PRKCE: variants seen among roughly 807,000 people sequenced by gnomAD.
PRKCE encodes protein kinase C epsilon type.
PRKCE carries 16 observed loss-of-function variants against 85.4 expected under a neutral mutation model. The observed-to-expected ratio is 0.19, with a 90% CI of 0.13 to 0.28. PRKCE has a LOEUF of 0.28. Among genes scored for constraint, PRKCE ranks in the 10% least tolerant of loss-of-function variants. The pLI is 1.00. For synonymous variants in PRKCE, 388 were observed against 371.5 expected (o/e 1.04, Z -0.51); for missense variants, 573 against 975.2 (o/e 0.59, Z 5.49).
chr2:46,120,835 A>C (rs562845646), intron 11 of PRKCE, among the ~76,000 whole-genome samples: 13 of 152,312 alleles, frequency 8.5e-5, no homozygotes, highest in African/African-American at 2.9e-4. Context: ...TTAAGTCAAG[A>C]AGTATATTTA....
At chr2:45,884,986 TATATATATATATATA>T (rs772558046) in intron 2 of PRKCE, among the ~76,000 whole-genome samples, 13,157 of 87,958 alleles carry the variant, frequency 0.15, 2,010 homozygotes, top group East Asian at 0.64. Flanking sequence ...TATATATATA[TATATATATATATATA>T]TTTGTTGTTG....
intron 2 of PRKCE, among the ~76,000 whole-genome samples, chr2:45,859,918 G>A (rs1205380028): frequency 1.3e-5 from 2 of 152,148 alleles, no homozygotes; most frequent in African/African-American, 4.8e-5. Context: ...TGAAAGTGAA[G>A]CACCACACAC....
intron 11 of PRKCE, among the ~76,000 whole-genome samples, chr2:46,132,833 T>C (rs576283939): frequency 2.7e-4 from 41 of 152,372 alleles, no homozygotes; most frequent in African/African-American, 9.9e-4. Flanking sequence ...AAATCTGTTT[T>C]CTGTCCCTTC....
intron 1 of PRKCE, among the ~76,000 whole-genome samples, chr2:45,788,623 G>A (rs1573362220): frequency 6.6e-6 from 1 of 152,188 alleles, no homozygotes; most frequent in East Asian, 1.9e-4. Flanking sequence ...AACCAGATAA[G>A]TGATCTTGTT....
At position 45,967,336 on chromosome 2, in the gene PRKCE, T is replaced by C. The variant is rs1701800131; in HGVS notation, c.413-9093T>C. 2.6e-5 allele frequency among the ~76,000 whole-genome samples: 4 copies of C among 152,162 alleles called. 1 individual carries two copies. The South Asian group carries it at 6.2e-4, about 24-fold the overall frequency. ...CCCATCACATTTTTGGCAGTATTTT[T>C]TCTGTCACTTCTGGTCCTTACACTA... On this transcript the variant is annotated intron_variant, in intron 2 of 14. Coordinates refer to ENST00000306156, the MANE Select transcript of PRKCE (RefSeq NM_005400.3).
intron 1 of PRKCE, among the ~76,000 whole-genome samples, chr2:45,803,086 C>A (rs1366131994): frequency 1.3e-5 from 2 of 152,122 alleles, no homozygotes; most frequent in Admixed American, 1.3e-4. Context: ...GATTTCTAAA[C>A]AATATTCCAA....
intron 14 of PRKCE, among the ~76,000 whole-genome samples, chr2:46,172,484 G>C: frequency 6.9e-6 from 1 of 144,104 alleles, no homozygotes; most frequent in African/African-American, 2.9e-5. Flanking sequence ...GGCAGGCCTG[G>C]GCGGGCCTGG....
chr2:46,142,466 T>TA (rs1675637323), intron 11 of PRKCE, among the ~76,000 whole-genome samples: 1 of 152,210 alleles, frequency 6.6e-6, no homozygotes, highest in Non-Finnish European at 1.5e-5. Flanking sequence ...TATGGACAGT[T>TA]AGAGTTTTCA....
intron 10 of PRKCE, among the ~76,000 whole-genome samples, chr2:46,046,558 T>G (rs1574323982): frequency 3.3e-5 from 5 of 152,348 alleles, no homozygotes; most frequent in Middle Eastern, 3.4e-3. Flanking sequence ...CACGTCACAT[T>G]GAAAAATGGA....
At chr2:45,983,814 A>G (rs926419635) in intron 5 of PRKCE, among the ~76,000 whole-genome samples, 3 of 152,056 alleles carry the variant, frequency 2.0e-5, no homozygotes, top group East Asian at 3.8e-4. Flanking sequence ...ACTGATCCAC[A>G]GTTTCCACAA....
chr2:45,865,817 T>TCTTCTTCTTC (rs60846064), intron 2 of PRKCE, among the ~76,000 whole-genome samples: 39 of 101,358 alleles, frequency 3.8e-4, no homozygotes, highest in Non-Finnish European at 5.5e-4. Context: ...TTCTTCTTCT[T>TCTTCTTCTTC]TTTTTTTTTT....
At chr2:45,796,355 A>G (rs1377646396) in intron 1 of PRKCE, among the ~76,000 whole-genome samples, 2 of 152,232 alleles carry the variant, frequency 1.3e-5, no homozygotes, top group Admixed American at 1.3e-4. Flanking sequence ...TCATGTGTCA[A>G]CCGAAGATAA....
intron 1 of PRKCE, among the ~76,000 whole-genome samples, chr2:45,705,635 G>A (rs1413081932): frequency 6.6e-6 from 1 of 152,220 alleles, no homozygotes; most frequent in African/African-American, 2.4e-5. Flanking sequence ...CTAGAGTGAT[G>A]GGTGGGCTTG....
chr2:45,661,506 G>GTTTTTTTTTT (rs1558533835), intron 1 of PRKCE, among the ~76,000 whole-genome samples: 1 of 107,428 alleles, frequency 9.3e-6, no homozygotes, highest in African/African-American at 3.3e-5. Flanking sequence ...AGTTTTTTTT[G>GTTTTTTTTTT]TTTTGTTTTG....
intron 11 of PRKCE, among the ~76,000 whole-genome samples, chr2:46,120,091 C>T (rs1418625625): frequency 6.6e-6 from 1 of 152,118 alleles, no homozygotes; most frequent in Non-Finnish European, 1.5e-5. Context: ...AACTCTTCTC[C>T]CCAACATGAA....
At position 45,907,419 on chromosome 2, in the gene PRKCE, T is replaced by C. The variant is rs927652416; in HGVS notation, c.412+64356T>C. 1.3e-5 allele frequency among the ~76,000 whole-genome samples: 2 copies of C among 152,170 alleles called. No individual in the cohort carries two copies. The highest frequency in any genetic ancestry group is 2.4e-5 in the African/African-American group (1 of 41,430). ...CGAGTCCTGCATTGCATTTGCTGAA[T>C]AGCTGTTGGGGTAACACTCCTGTGA... On this transcript the variant is annotated intron_variant, in intron 2 of 14. Coordinates refer to ENST00000306156, the MANE Select transcript of PRKCE (RefSeq NM_005400.3). This position sits in a 1 kb window ranked among gnomAD's most constrained non-coding sequence, Gnocchi z 4.5.
chr2:45,765,386 T>C (rs994622299), intron 1 of PRKCE, among the ~76,000 whole-genome samples: 1 of 152,228 alleles, frequency 6.6e-6, no homozygotes, highest in Non-Finnish European at 1.5e-5. Flanking sequence ...GTGTGAACTG[T>C]AGGTAGAGTG....
intron 10 of PRKCE, among the ~76,000 whole-genome samples, chr2:46,076,764 AATC>A (rs1668591056): frequency 6.6e-6 from 1 of 152,222 alleles, no homozygotes; most frequent in Non-Finnish European, 1.5e-5. Context: ...GCTTATAGAC[AATC>A]ATTATAAGAA....
At chr2:45,975,173 G>A (rs1702364094) in intron 2 of PRKCE, among the ~76,000 whole-genome samples, 1 of 152,156 alleles carries the variant, frequency 6.6e-6, no homozygotes, top group Admixed American at 6.5e-5. Context: ...GGGGCTAATA[G>A]CAGTACCCTT....
Sources: allele counts gnomAD v4.1 joint callset (sites outside exome capture counted in the v4.1 genomes callset), GRCh38; gene constraint gnomAD v4.1.1; non-coding constraint Gnocchi (gnomAD v3.1); transcripts MANE v1.5; gene names NCBI Gene and HGNC (gene_info 2026-07-23, HGNC 2026-07-21).